The following SQOR variants were observed in gnomAD, a reference collection of about 807,000 sequenced individuals.
SQOR encodes the protein sulfide quinone oxidoreductase.
In SQOR, 39 loss-of-function variants were observed where a neutral mutation model predicts 48.6. That is an observed-to-expected ratio of 0.80 (90% CI 0.62 to 1.05). The LOEUF is 1.05. Among genes scored for constraint, SQOR ranks in the 50% least tolerant of loss-of-function variants. SQOR has a pLI of 0.00. For synonymous variants in SQOR, 220 were observed against 206.2 expected, an observed-to-expected ratio of 1.07 and a Z score of -0.57; for missense variants, 561 against 559.9, an observed-to-expected ratio of 1.00 and a Z score of -0.02.
At chr15:45,688,494 C>A in intron 8 of SQOR, 90 bp downstream of exon 8, 9 of 926,214 alleles carry the variant, frequency 9.7e-6, no homozygotes, top group Non-Finnish European at 1.3e-5. Context: ...CACTTTCTGT[C>A]TTTTCTTTTT....
intron 7 of SQOR, among the ~76,000 whole-genome samples, chr15:45,683,820 T>G (rs1301219299): frequency 6.6e-6 from 1 of 152,098 alleles, no homozygotes; most frequent in African/African-American, 2.4e-5. Flanking sequence ...TTCATCGTAT[T>G]TATGTATATA....
At chr15:45,634,627 G>GC (rs910301380), upstream of SQOR, 2 of 152,342 alleles carry the variant, frequency 1.3e-5, no homozygotes, top group Non-Finnish European at 2.9e-5. Flanking sequence ...CCGGTGAGAA[G>GC]CCCAGGGCAC....
At chr15:45,662,988 C>T (rs1055191765) in intron 3 of SQOR, among the ~76,000 whole-genome samples, 2 of 152,246 alleles carry the variant, frequency 1.3e-5, no homozygotes, top group African/African-American at 2.4e-5. Flanking sequence ...TTTTCAAGTC[C>T]AACCCTTCCT....
intron 1 of SQOR, among the ~76,000 whole-genome samples, chr15:45,645,099 C>G (rs561159481): frequency 6.6e-6 from 1 of 152,242 alleles, no homozygotes; most frequent in South Asian, 2.1e-4. Context: ...GAAGGGGAAA[C>G]AGTCAGTTGC....
In SQOR at chr15:45,674,896, C is replaced by T. The variant is rs552166036; in HGVS notation, c.654+1095C>T. 3.3e-5 allele frequency among the ~76,000 whole-genome samples: 5 copies of T among 152,168 alleles called. No individual in the cohort carries two copies. The South Asian group carries it at 8.3e-4, about 25-fold the overall frequency. On this transcript the variant is annotated intron_variant, in intron 5 of 9. Transcript: ENST00000260324. ...TCTAGCAGCTAGTCGTGTATGGGGA[C>T]AGATGGGAAGAAGGGTGGGGAAGAA...
chr15:45,689,401 A>G (rs1890281239), intron 9 of SQOR, 184 bp downstream of exon 9: 1 of 489,680 alleles, frequency 2.0e-6, no homozygotes, highest in South Asian at 3.4e-5. Flanking sequence ...CAAGTACTCT[A>G]TCATCTGCTA....
intron 1 of SQOR, among the ~76,000 whole-genome samples, chr15:45,650,015 G>C (rs570147336): frequency 6.6e-6 from 1 of 151,774 alleles, no homozygotes; most frequent in Non-Finnish European, 1.5e-5. Context: ...GCTAATTTTT[G>C]TATTTTTAGT....
intron 1 of SQOR, among the ~76,000 whole-genome samples, chr15:45,657,706 T>C (rs1416405822): frequency 1.3e-5 from 2 of 152,214 alleles, no homozygotes; most frequent in African/African-American, 4.8e-5. Context: ...CCCTGCCAGC[T>C]TTCTCTAATC....
At chr15:45,675,402 T>TA (rs1890017952) in intron 5 of SQOR, among the ~76,000 whole-genome samples, 1 of 151,636 alleles carries the variant, frequency 6.6e-6, no homozygotes, top group Non-Finnish European at 1.5e-5. Flanking sequence ...TTTGTTTATT[T>TA]TTTTTTTTTG....
intron 1 of SQOR, chr15:45,646,044 A>T (rs993699009): frequency 6.6e-6 from 1 of 152,256 alleles, no homozygotes; most frequent in Non-Finnish European, 1.5e-5. Flanking sequence ...TTCAAAATAC[A>T]TATTGGATAT....
chr15:45,632,877 G>A (rs1203361738), upstream of SQOR, among the ~76,000 whole-genome samples: 2 of 151,838 alleles, frequency 1.3e-5, no homozygotes, highest in African/African-American at 2.4e-5. Flanking sequence ...GCTGAGGCGG[G>A]AGGATGGCTT....
rs1302429099 is a variant in SQOR at position 45,689,061 on chromosome 15, C to T, written c.1139C>T (p.Pro380Leu). 3 of 1,613,992 alleles carry T rather than the reference C, an allele frequency of 1.9e-6. No individual in the cohort carries two copies. The highest frequency in any genetic ancestry group is 2.2e-5 in the South Asian group (2 of 91,050). Residue 380 changes from proline to leucine, a missense_variant, in exon 9 of 10, where the codon CCA (proline) becomes CTA (leucine). By Grantham distance (98) the Pro-to-Leu change is moderately conservative (BLOSUM62 -3). Coordinates refer to ENST00000260324, the MANE Select transcript of SQOR (RefSeq NM_021199.4). Reference sequence around the variant, plus strand: ...TAGTATGATGGCTACACATCATGTCCACTGGTGACCGGCTACAACCGTGTG... The same window carrying T: ...TAGTATGATGGCTACACATCATGTCTACTGGTGACCGGCTACAACCGTGTG... Reference protein sequence around the residue: ...TKKYDGYTSCPLVTGYNRVIL... With the variant: ...TKKYDGYTSCLLVTGYNRVIL...
At chr15:45,663,308 G>A (rs1160998594) in intron 3 of SQOR, among the ~76,000 whole-genome samples, 5 of 152,152 alleles carry the variant, frequency 3.3e-5, no homozygotes, top group Admixed American at 2.0e-4. Context: ...GTGAGCCATT[G>A]TGCCCGGCCT....
intron 1 of SQOR, among the ~76,000 whole-genome samples, chr15:45,643,635 C>T (rs1895144965): frequency 6.6e-6 from 1 of 152,178 alleles, no homozygotes; most frequent in African/African-American, 2.4e-5. Context: ...AAAAATTCTC[C>T]TAATAAAAAT....
chr15:45,674,440 T>TA (rs766883123), intron 5 of SQOR, among the ~76,000 whole-genome samples: 1,938 of 138,650 alleles, frequency 0.014, 32 homozygotes, highest in African/African-American at 0.041. Flanking sequence ...AGCTCCGTCT[T>TA]AAAAAAAAAA....
At chr15:45,680,155 G>A (rs536657332) in intron 6 of SQOR, among the ~76,000 whole-genome samples, 3 of 151,622 alleles carry the variant, frequency 2.0e-5, no homozygotes, top group South Asian at 2.1e-4. Context: ...TGGTACAACC[G>A]TGGCTCATGG....
chr15:45,682,360 T>G, intron 6 of SQOR, 118 bp from the exon 7 acceptor site: 2 of 1,041,130 alleles, frequency 1.9e-6, no homozygotes, highest in Non-Finnish European at 2.8e-6. Flanking sequence ...AAGTGCTGAT[T>G]GTATAATGCT....
chr15:45,657,127 TA>T (rs1412957086), intron 1 of SQOR, among the ~76,000 whole-genome samples: 2 of 152,154 alleles, frequency 1.3e-5, no homozygotes, highest in Non-Finnish European at 1.5e-5. Flanking sequence ...TTTATGAACA[TA>T]ATTTTAAAAG....
At chr15:45,684,515 G>T (rs1274658971) in intron 7 of SQOR, among the ~76,000 whole-genome samples, 1 of 152,132 alleles carries the variant, frequency 6.6e-6, no homozygotes, top group Non-Finnish European at 1.5e-5. Context: ...ACCTCCCTCT[G>T]TGGCACCTCA....
Sources: allele counts gnomAD v4.1 joint callset (sites outside exome capture counted in the v4.1 genomes callset), GRCh38; gene constraint gnomAD v4.1.1; transcripts MANE v1.5; gene names NCBI Gene and HGNC (gene_info 2026-07-23, HGNC 2026-07-21).